The following MGST2 variants were observed in gnomAD, a reference collection of about 807,000 sequenced individuals.
The protein encoded by MGST2 is glutathione peroxidase MGST2.
MGST2 carries 9 observed loss-of-function variants against 16.6 expected under a neutral mutation model. That is an observed-to-expected ratio of 0.54 (90% CI 0.33 to 0.95). MGST2 has a LOEUF of 0.95. Ranked by LOEUF, MGST2 falls within the 40% of genes least tolerant of loss-of-function variation. The probability of loss-of-function intolerance (pLI) is 0.03; values close to 1 mark genes in which losing one functional copy is unlikely to be tolerated. For synonymous variants in MGST2, 79 were observed against 68.0 expected (o/e 1.16, Z -0.79); for missense variants, 159 against 175.1 (o/e 0.91, Z 0.52).
At chr4:139,749,552 G>C in the MGST2 span, among the ~76,000 whole-genome samples, 7 of 152,306 alleles carry the variant, frequency 4.6e-5, no homozygotes, top group African/African-American at 1.7e-4. Context: ...AACTGTCAAG[G>C]GGGTGGGGGG....
At chr4:139,693,558 T>C (rs1256042591) in intron 2 of MGST2, among the ~76,000 whole-genome samples, 3 of 152,146 alleles carry the variant, frequency 2.0e-5, no homozygotes, top group African/African-American at 7.2e-5. Context: ...TGCATAGCCG[T>C]AATATAAAGT....
chr4:139,737,629 A>C (rs1397464825), intron 5 of MGST2, among the ~76,000 whole-genome samples: 1 of 152,208 alleles, frequency 6.6e-6, no homozygotes, highest in African/African-American at 2.4e-5. Context: ...ATTTAAAGAA[A>C]GGGCATAAGA....
chr4:139,673,848 C>T (rs774610985), intron 1 of MGST2, among the ~76,000 whole-genome samples: 3 of 152,052 alleles, frequency 2.0e-5, no homozygotes, highest in Non-Finnish European at 4.4e-5. Flanking sequence ...TTGGCCCAAG[C>T]AAGGGTTTTT....
chr4:139,716,715 A>C (rs998957068), intron 5 of MGST2: 4 of 152,556 alleles, frequency 2.6e-5, no homozygotes, highest in African/African-American at 7.2e-5. Context: ...TTAAGATTGG[A>C]GCTCCAGTGA....
chr4:139,727,672 C>T (rs1262919328), intron 5 of MGST2, among the ~76,000 whole-genome samples: 1 of 152,178 alleles, frequency 6.6e-6, no homozygotes, highest in Non-Finnish European at 1.5e-5. Flanking sequence ...GTGCTTTGAA[C>T]TTTTGGAGAA....
intron 5 of MGST2, among the ~76,000 whole-genome samples, chr4:139,724,775 CTTT>C (rs34621312): frequency 1.8e-4 from 24 of 130,216 alleles, no homozygotes; most frequent in Admixed American, 3.1e-4. Flanking sequence ...CCTCAAGGGT[CTTT>C]TTTTTTTTTT....
At chr4:139,754,464 A>G in the MGST2 span, among the ~76,000 whole-genome samples, 35 of 152,364 alleles carry the variant, frequency 2.3e-4, no homozygotes, top group African/African-American at 7.5e-4. Flanking sequence ...ACTCCATTGT[A>G]TAAAGCTGTT....
chr4:139,702,818 A>G (rs1727320616), intron 3 of MGST2, among the ~76,000 whole-genome samples: 1 of 67,056 alleles, frequency 1.5e-5, no homozygotes, highest in Non-Finnish European at 3.7e-5. Context: ...GTTGCTTCAC[A>G]TCCTCACCAA....
intron 5 of MGST2, chr4:139,730,691 A>G (rs755979555): frequency 1.3e-6 from 2 of 1,597,292 alleles, no homozygotes; most frequent in Admixed American, 3.4e-5. Flanking sequence ...AGAGAGGGAG[A>G]TGCAGGGATT....
chr4:139,723,225 G>A (rs1357751349), intron 5 of MGST2, among the ~76,000 whole-genome samples: 2 of 152,228 alleles, frequency 1.3e-5, no homozygotes, highest in East Asian at 3.8e-4. Context: ...TTTTGTGGGT[G>A]TCTATTTATA....
chr4:139,691,485 C>T (rs1217269376), intron 2 of MGST2, among the ~76,000 whole-genome samples: 5 of 152,116 alleles, frequency 3.3e-5, no homozygotes, highest in Admixed American at 2.0e-4. Context: ...CCATCCAGGC[C>T]TGGAGGGACC....
At chr4:139,669,585 G>A in intron 1 of MGST2, among the ~76,000 whole-genome samples, 1 of 152,244 alleles carries the variant, frequency 6.6e-6, no homozygotes, top group East Asian at 1.9e-4. Flanking sequence ...CTTCTTCGAA[G>A]AGAGAAGTTT....
chr4:139,748,866 C>G, the MGST2 span, among the ~76,000 whole-genome samples: 1 of 152,172 alleles, frequency 6.6e-6, no homozygotes, highest in African/African-American at 2.4e-5. Flanking sequence ...GCAAACTCAA[C>G]CCGGCTTTGT....
chr4:139,745,810 A>C, the MGST2 span, among the ~76,000 whole-genome samples: 1 of 152,262 alleles, frequency 6.6e-6, no homozygotes, highest in Non-Finnish European at 1.5e-5. Flanking sequence ...GACAGGGAGT[A>C]GAACAGTAGG....
At chr4:139,675,692 G>C (rs894859970) in intron 1 of MGST2, among the ~76,000 whole-genome samples, 1 of 152,182 alleles carries the variant, frequency 6.6e-6, no homozygotes, top group Non-Finnish European at 1.5e-5. Flanking sequence ...AGAGTGCAGC[G>C]GGCTGCCTCA....
downstream of MGST2, among the ~76,000 whole-genome samples, chr4:139,745,584 C>T (rs1036230030): frequency 1.3e-5 from 2 of 152,158 alleles, no homozygotes; most frequent in Non-Finnish European, 2.9e-5. Context: ...ATTTTCCGGT[C>T]TGGGATCCCA....
the MGST2 span, among the ~76,000 whole-genome samples, chr4:139,754,573 T>A: frequency 6.6e-6 from 1 of 152,260 alleles, no homozygotes; most frequent in Non-Finnish European, 1.5e-5. Flanking sequence ...TAAACTTTTA[T>A]GTATATCTCT....
At chr4:139,683,243 G>A (rs923484291) in intron 2 of MGST2, among the ~76,000 whole-genome samples, 1 of 152,202 alleles carries the variant, frequency 6.6e-6, no homozygotes, top group Non-Finnish European at 1.5e-5. Context: ...GAAATGATGG[G>A]AAGTGGTCAG....
chr4:139,750,225 C>T, the MGST2 span, among the ~76,000 whole-genome samples: 133 of 152,292 alleles, frequency 8.7e-4, no homozygotes, highest in African/African-American at 2.1e-3. Context: ...CCCATAGCTC[C>T]AAGTGACAGG....
Sources: gnomAD v4.1 joint callset for allele counts (sites outside exome capture counted in the v4.1 genomes callset) on GRCh38, gnomAD v4.1.1 for gene constraint, MANE v1.5 for transcripts, NCBI Gene and HGNC (gene_info 2026-07-23, HGNC 2026-07-21) for gene names.